The following PAK1 variants were observed in gnomAD, a reference collection of about 807,000 sequenced individuals.
The protein encoded by PAK1 is p21 (RAC1) activated kinase 1, also known as serine/threonine-protein kinase PAK 1.
In PAK1, 29 loss-of-function variants were observed where a neutral mutation model predicts 67.4. That is an observed-to-expected ratio of 0.43 (90% CI 0.32 to 0.59). The LOEUF is 0.59. Among genes scored for constraint, PAK1 ranks in the 20% least tolerant of loss-of-function variants. The pLI, the probability that PAK1 is intolerant of heterozygous loss-of-function variation, is 0.07. For missense variants in PAK1, 337 were observed against 670.7 expected, an observed-to-expected ratio of 0.50 and a Z score of 5.50; for synonymous variants, 223 against 237.4, an observed-to-expected ratio of 0.94 and a Z score of 0.56.
the PAK1 span, among the ~76,000 whole-genome samples, chr11:77,490,574 C>T: frequency 6.6e-6 from 1 of 151,844 alleles, no homozygotes; most frequent in South Asian, 2.1e-4. Context: ...CCCGGCCGCC[C>T]CTACTGGGAA....
At chr11:77,418,975 G>A (rs1335934308) in intron 1 of PAK1, among the ~76,000 whole-genome samples, 11 of 152,146 alleles carry the variant, frequency 7.2e-5, no homozygotes, top group Admixed American at 3.9e-4. Flanking sequence ...TATCTTCAGC[G>A]GGAAGGATCA....
the PAK1 span, among the ~76,000 whole-genome samples, chr11:77,521,578 C>A: frequency 2.0e-5 from 3 of 151,788 alleles, no homozygotes; most frequent in Non-Finnish European, 2.9e-5. Flanking sequence ...TACTCCTTAT[C>A]ATAAACCGAA....
At chr11:77,362,175 A>G (rs1946882486) in intron 5 of PAK1, among the ~76,000 whole-genome samples, 2 of 152,116 alleles carry the variant, frequency 1.3e-5, no homozygotes, top group African/African-American at 4.8e-5. Context: ...TATCCTTGCA[A>G]TTTGGGCATT....
At chr11:77,347,193 C>G (rs1225554262) in intron 9 of PAK1, 1 of 414,162 alleles carries the variant, frequency 2.4e-6, no homozygotes. Context: ...TTAAATTTCT[C>G]TTTCCTCTGG....
At chr11:77,324,788 G>GAC (rs1380353336) in intron 14 of PAK1, among the ~76,000 whole-genome samples, 1 of 148,048 alleles carries the variant, frequency 6.8e-6, no homozygotes, top group African/African-American at 2.6e-5. Context: ...GAGAGAGAGA[G>GAC]AGACAGAGAG....
At chr11:77,329,488 T>G (rs1466576433) in intron 14 of PAK1, among the ~76,000 whole-genome samples, 3 of 152,090 alleles carry the variant, frequency 2.0e-5, no homozygotes, top group Admixed American at 1.3e-4. Context: ...CATACGCAAA[T>G]CAATAAATGT....
At chr11:77,377,576 A>C (rs1949266193) in intron 4 of PAK1, among the ~76,000 whole-genome samples, 1 of 152,236 alleles carries the variant, frequency 6.6e-6, no homozygotes, top group Non-Finnish European at 1.5e-5. Context: ...ATATTTATAC[A>C]TATGTTCGTT....
chr11:77,483,532 G>A, the PAK1 span, among the ~76,000 whole-genome samples: 22 of 152,224 alleles, frequency 1.4e-4, no homozygotes, highest in Non-Finnish European at 2.8e-4. Context: ...CAGATCAGTT[G>A]TTGTTTGGGG....
chr11:77,526,063 T>A, the PAK1 span, among the ~76,000 whole-genome samples: 1 of 152,200 alleles, frequency 6.6e-6, no homozygotes, highest in Non-Finnish European at 1.5e-5. Flanking sequence ...AAACTAGGAC[T>A]CTCATTTATT....
At position 77,442,868 on chromosome 11, in the gene PAK1, A is replaced by T. The variant is rs559430389; in HGVS notation, c.-22+30684T>A. On this transcript the variant is annotated intron_variant, in intron 1 of 14. Coordinates refer to ENST00000356341, the MANE Select transcript of PAK1 (RefSeq NM_002576.5). ...AAGGCTTGGGGCTTCTCCTTAAACA[A>T]CAACAGTCTCTGCTGCTTATTCACA... 2.0e-5 allele frequency among the ~76,000 whole-genome samples: 3 copies of T among 152,238 alleles called. No homozygotes were observed. The South Asian group carries it at 6.2e-4, about 32-fold the overall frequency.
At chr11:77,436,587 A>C (rs901040257) in intron 1 of PAK1, among the ~76,000 whole-genome samples, 1 of 152,236 alleles carries the variant, frequency 6.6e-6, no homozygotes, top group Admixed American at 6.5e-5. Context: ...AACAAAACAG[A>C]GTCCTACATT....
the PAK1 span, among the ~76,000 whole-genome samples, chr11:77,479,768 C>T: frequency 1.1e-4 from 17 of 151,696 alleles, no homozygotes; most frequent in Middle Eastern, 3.4e-3. Flanking sequence ...CCAGCACACC[C>T]GGCTAATTTT....
the PAK1 span, among the ~76,000 whole-genome samples, chr11:77,495,032 T>C: frequency 4.0e-5 from 6 of 151,616 alleles, no homozygotes; most frequent in Admixed American, 1.3e-4. Flanking sequence ...TGTGGTGACA[T>C]GCGCCTGTAG....
intron 14 of PAK1, among the ~76,000 whole-genome samples, chr11:77,326,115 G>T (rs1939767518): frequency 6.6e-6 from 1 of 152,068 alleles, no homozygotes; most frequent in Non-Finnish European, 1.5e-5. Flanking sequence ...GATCACTAGT[G>T]GGCAATACAA....
intron 4 of PAK1, among the ~76,000 whole-genome samples, chr11:77,377,447 TAC>T: frequency 6.6e-6 from 1 of 152,280 alleles, no homozygotes; most frequent in Admixed American, 6.5e-5. Context: ...TACATATATA[TAC>T]ATGTGCACAA....
At chr11:77,515,677 T>C in the PAK1 span, among the ~76,000 whole-genome samples, 2 of 152,214 alleles carry the variant, frequency 1.3e-5, no homozygotes, top group African/African-American at 2.4e-5. Context: ...ACAAAAGTAG[T>C]GTCTCCTCCT....
intron 5 of PAK1, among the ~76,000 whole-genome samples, chr11:77,364,417 C>T (rs1394892253): frequency 6.6e-6 from 1 of 151,988 alleles, no homozygotes; most frequent in Non-Finnish European, 1.5e-5. Context: ...AGCCAGGCTG[C>T]AACAAAACAA....
rs1370853161 is a variant in PAK1, at chr11:77,322,727, G to C, written c.*547C>G. The C allele has an allele frequency of 7.1e-6, 2 of 280,208 alleles. No homozygotes were observed. Among genetic ancestry groups the C allele is most frequent in the Non-Finnish European group, 1.4e-5 (2 of 146,522 alleles). 17.4% of individuals were successfully genotyped at this position (280,208 alleles called of 1,614,324 possible). ...AAATGTGGTTGTTCTCCCATGTCAG[G>C]ATCAGCTGAGCCAAAGTCATGGTCC... is the stretch of plus-strand genomic sequence containing the variant. On this transcript the variant is annotated 3_prime_UTR_variant, in exon 15 of 15. Transcript: ENST00000356341.
At chr11:77,437,808 C>T (rs1956194945) in intron 1 of PAK1, among the ~76,000 whole-genome samples, 1 of 152,126 alleles carries the variant, frequency 6.6e-6, no homozygotes, top group Admixed American at 6.5e-5. Flanking sequence ...TATGGATCTC[C>T]CTTCTAGACT....
Sources: gnomAD v4.1 joint callset for allele counts (sites outside exome capture counted in the v4.1 genomes callset) on GRCh38, gnomAD v4.1.1 for gene constraint, MANE v1.5 for transcripts, NCBI Gene and HGNC (gene_info 2026-07-23, HGNC 2026-07-21) for gene names.